The following GPD2 variants were observed in gnomAD, a reference collection of about 807,000 sequenced individuals.
The protein encoded by GPD2 is glycerol-3-phosphate dehydrogenase, mitochondrial.
GPD2 carries 54 observed loss-of-function variants against 82.4 expected under a neutral mutation model. The ratio of observed to expected loss-of-function variants is 0.66; its 90% CI spans 0.53 to 0.82. GPD2 has a LOEUF of 0.82. GPD2 is among the 40% of genes least tolerant of loss of function. GPD2 has a pLI of 0.00. For synonymous variants in GPD2, 288 were observed against 306.1 expected (o/e 0.94, Z 0.62); for missense variants, 748 against 896.2 (o/e 0.83, Z 2.11).
intron 1 of GPD2, among the ~76,000 whole-genome samples, chr2:156,472,002 G>A (rs563455618): frequency 3.9e-5 from 6 of 152,294 alleles, no homozygotes; most frequent in Admixed American, 1.3e-4. Context: ...AAGCATATAT[G>A]TGATTTAATT....
rs770139094 is a variant in GPD2 at position 156,557,500 on chromosome 2, T to C, written c.1083T>C (p.Val361=). The change falls in exon 9 of 17, where the codon GTT becomes GTC. Residue 361 remains valine (V), a synonymous_variant. Coordinates refer to ENST00000438166, the MANE Select transcript of GPD2 (RefSeq NM_000408.5). ...IAGTTDTPTD[V]THHPIPSEED... ...GCACTACTGATACTCCAACTGATGT[T>C]ACACACCATCCAATTCCTTCAGAAG... The C allele has an allele frequency of 1.1e-5, 17 of 1,597,660 alleles. No individual in the cohort carries two copies. The South Asian group carries it at 1.9e-4, about 18-fold the overall frequency.
At position 156,550,708 on chromosome 2, in the gene GPD2, A is replaced by G. The variant is rs750404726; in HGVS notation, c.933A>G (p.Pro311=). 13 of 1,613,720 alleles carry G rather than the reference A, an allele frequency of 8.1e-6. No individual in the cohort carries two copies. In the Admixed American group the frequency reaches 8.3e-5, roughly 10 times the overall value. The change falls in exon 8 of 17, where the codon CCA becomes CCG. Residue 311 remains proline (P), a synonymous_variant. Coordinates refer to ENST00000438166, the MANE Select transcript of GPD2 (RefSeq NM_000408.5). ...DDKDAAAICQ[P]SAGVHIVMPG... ...AAGACGCAGCAGCTATCTGCCAGCCAAGTGCTGGTGTCCATATTGTGATGC... is the reference window on the plus strand; with the variant it reads ...AAGACGCAGCAGCTATCTGCCAGCCGAGTGCTGGTGTCCATATTGTGATGC...
At chr2:156,531,220 T>C (rs1685845240) in intron 6 of GPD2, among the ~76,000 whole-genome samples, 1 of 152,170 alleles carries the variant, frequency 6.6e-6, no homozygotes, top group African/African-American at 2.4e-5. Context: ...AATTCACCCC[T>C]GCCCCCTTTA....
At chr2:156,468,395 G>A (rs1360009550) in intron 1 of GPD2, among the ~76,000 whole-genome samples, 2 of 152,190 alleles carry the variant, frequency 1.3e-5, no homozygotes, top group Non-Finnish European at 2.9e-5. Context: ...CGAGTGTGAG[G>A]CCTGGCCCTC....
chr2:156,428,902 T>G, the GPD2 span, among the ~76,000 whole-genome samples: 1 of 152,214 alleles, frequency 6.6e-6, no homozygotes, highest in Non-Finnish European at 1.5e-5. Flanking sequence ...GAACAGCACC[T>G]GTTACCCTCT....
the GPD2 span, among the ~76,000 whole-genome samples, chr2:156,426,901 T>C: frequency 1.3e-5 from 2 of 152,184 alleles, no homozygotes; most frequent in South Asian, 2.1e-4. Context: ...CTGATGCAGA[T>C]TGGGCTTTCC....
intron 3 of GPD2, among the ~76,000 whole-genome samples, chr2:156,504,862 T>A (rs1346535830): frequency 6.6e-6 from 1 of 152,154 alleles, no homozygotes; most frequent in Non-Finnish European, 1.5e-5. Context: ...AATGTACATA[T>A]GTGATTATAT....
At chr2:156,453,230 A>G (rs775362749) in intron 1 of GPD2, among the ~76,000 whole-genome samples, 2 of 152,204 alleles carry the variant, frequency 1.3e-5, no homozygotes, top group African/African-American at 2.4e-5. Flanking sequence ...CCAAGTAAAA[A>G]TGAAGCATGA....
intron 16 of GPD2, among the ~76,000 whole-genome samples, chr2:156,582,546 GC>G (rs1444894904): frequency 6.7e-6 from 1 of 149,558 alleles, no homozygotes; most frequent in Non-Finnish European, 1.5e-5. Context: ...ATTAAGATTT[GC>G]TTTTAGAGGC....
At chr2:156,579,453 A>G (rs1381701243) in intron 15 of GPD2, among the ~76,000 whole-genome samples, 1 of 150,410 alleles carries the variant, frequency 6.6e-6, no homozygotes, top group African/African-American at 2.4e-5. Context: ...CTCAGCCTCC[A>G]GAGTAGCTGG....
At chr2:156,547,361 A>G (rs1686583372) in intron 6 of GPD2, among the ~76,000 whole-genome samples, 1 of 152,230 alleles carries the variant, frequency 6.6e-6, no homozygotes, top group Admixed American at 6.5e-5. Flanking sequence ...TGAGAGATGA[A>G]GAGAGGTTTC....
upstream of GPD2, among the ~76,000 whole-genome samples, chr2:156,434,099 A>C (rs1048669808): frequency 2.0e-5 from 3 of 152,058 alleles, no homozygotes; most frequent in Admixed American, 6.6e-5. Context: ...GCCCAGTCAC[A>C]AGTTTTTATT....
chr2:156,501,540 A>G (rs297588), intron 3 of GPD2, among the ~76,000 whole-genome samples: 106,331 of 151,938 alleles, frequency 0.7, 37,357 homozygotes, highest in Middle Eastern at 0.82. Context: ...AAGGAAGGAG[A>G]TGTGTGCATT....
intron 6 of GPD2, among the ~76,000 whole-genome samples, chr2:156,529,908 C>A (rs1162868964): frequency 2.0e-4 from 30 of 151,974 alleles, no homozygotes; most frequent in Admixed American, 7.9e-4. Context: ...CTTAGGATTG[C>A]CTTGGCGATG....
chr2:156,439,492 G>A lies in GPD2; in HGVS notation c.-9+2979G>A, dbSNP rs559284157. On this transcript the variant is annotated intron_variant, in intron 1 of 16. Transcript: ENST00000438166. Reference sequence around the variant, plus strand: ...AGCTACTTAGGAGGCCAAAACGTGAGAATTGCTTGAGACTGTCTCAGAAAA... The same window carrying A: ...AGCTACTTAGGAGGCCAAAACGTGAAAATTGCTTGAGACTGTCTCAGAAAA... 1.9e-3 allele frequency among the ~76,000 whole-genome samples: 215 copies of A among 112,884 alleles called. 3 individuals carry two copies. The highest frequency in any genetic ancestry group is 8.1e-3 in the Middle Eastern group (1 of 124). The allele number at this position is 112,884 out of a possible 152,430, so 74.1% of individuals were successfully genotyped here.
At chr2:156,525,444 G>A (rs1053536725) in intron 6 of GPD2, among the ~76,000 whole-genome samples, 3 of 152,046 alleles carry the variant, frequency 2.0e-5, no homozygotes, top group African/African-American at 4.8e-5. Flanking sequence ...TGGTAACTAG[G>A]GACCATAATC....
intron 6 of GPD2, among the ~76,000 whole-genome samples, chr2:156,529,543 G>A (rs1317485102): frequency 1.3e-5 from 2 of 151,800 alleles, no homozygotes; most frequent in African/African-American, 4.8e-5. Flanking sequence ...TAATGCCTAG[G>A]TTTTCTTCTA....
the GPD2 span, among the ~76,000 whole-genome samples, chr2:156,409,595 G>A: frequency 1.3e-5 from 2 of 152,134 alleles, no homozygotes; most frequent in Admixed American, 6.5e-5. Flanking sequence ...AGCTACTCAG[G>A]AGGCTGAGGT....
At chr2:156,529,718 T>A (rs558516812) in intron 6 of GPD2, among the ~76,000 whole-genome samples, 1 of 151,228 alleles carries the variant, frequency 6.6e-6, no homozygotes, top group South Asian at 2.1e-4. Context: ...TTGCTTGTTT[T>A]TCTCAGGTTT....
Sources: allele counts gnomAD v4.1 joint callset (sites outside exome capture counted in the v4.1 genomes callset), GRCh38; gene constraint gnomAD v4.1.1; transcripts MANE v1.5; gene names NCBI Gene and HGNC (gene_info 2026-07-23, HGNC 2026-07-21).